The following EPHX2 variants were observed in gnomAD, a reference collection of about 807,000 sequenced individuals.
The protein encoded by EPHX2 is epoxide hydrolase 2, also known as bifunctional epoxide hydrolase 2.
In EPHX2, 74 loss-of-function variants were observed where a neutral mutation model predicts 78.7. That is an observed-to-expected ratio of 0.94 (90% CI 0.78 to 1.14). The LOEUF (loss-of-function observed/expected upper bound fraction) is 1.14. EPHX2 is among the 50% of genes most tolerant of loss of function. The probability of loss-of-function intolerance (pLI) is 0.00; values close to 1 mark genes in which losing one functional copy is unlikely to be tolerated. For synonymous variants in EPHX2, 251 were observed against 255.2 expected, an observed-to-expected ratio of 0.98 and a Z score of 0.16; for missense variants, 715 against 702.5, an observed-to-expected ratio of 1.02 and a Z score of -0.20.
chr8:27,499,869 C>T (rs1813701748), intron 1 of EPHX2, among the ~76,000 whole-genome samples: 1 of 152,142 alleles, frequency 6.6e-6, no homozygotes, highest in African/African-American at 2.4e-5. Context: ...ATGGTTGACT[C>T]TCTGTGTGTG....
chr8:27,531,874 A>C (rs1815055682), intron 12 of EPHX2, among the ~76,000 whole-genome samples: 1 of 152,148 alleles, frequency 6.6e-6, no homozygotes, highest in Non-Finnish European at 1.5e-5. Context: ...TGAGCACAGG[A>C]GGCAATCCTG....
intron 2 of EPHX2, among the ~76,000 whole-genome samples, chr8:27,502,384 C>T (rs1813833111): frequency 6.6e-6 from 1 of 152,180 alleles, no homozygotes; most frequent in Admixed American, 6.5e-5. Context: ...ACAAATAGTG[C>T]TGCTATGATG....
chr8:27,547,238 T>C (rs920366830), downstream of EPHX2, among the ~76,000 whole-genome samples: 7 of 152,112 alleles, frequency 4.6e-5, no homozygotes, highest in South Asian at 8.3e-4. Context: ...TTCAAGAAGA[T>C]AGTGGAATGT....
intron 12 of EPHX2, among the ~76,000 whole-genome samples, chr8:27,535,988 T>G (rs1815198456): frequency 6.6e-6 from 1 of 152,190 alleles, no homozygotes; most frequent in Non-Finnish European, 1.5e-5. Context: ...GTGGAGCTGA[T>G]GAAGCAAGTT....
downstream of EPHX2, among the ~76,000 whole-genome samples, chr8:27,545,957 G>A (rs1053502701): frequency 6.6e-6 from 1 of 152,010 alleles, no homozygotes; most frequent in Non-Finnish European, 1.5e-5. Context: ...CCATTTAACC[G>A]AGAGGGAAAC....
At position 27,524,772 on chromosome 8, in the gene EPHX2, C is replaced by T. The variant is rs1340043542; in HGVS notation, c.1059-590C>T. Among the ~76,000 whole-genome samples the T allele has an allele frequency of 2.0e-5, 3 of 152,182 alleles. No homozygotes were observed. In the East Asian group the frequency reaches 5.8e-4, roughly 29 times the overall value. On this transcript the variant is annotated intron_variant, in intron 11 of 18. Coordinates refer to ENST00000521400, the MANE Select transcript of EPHX2 (RefSeq NM_001979.6). ...GCCCAGTTCAGGAATTCCTTATCTC[C>T]TTCCAACTCCTATGCTATTTTGTGC... is the stretch of plus-strand genomic sequence containing the variant.
rs1319203319 is a variant in EPHX2, at chr8:27,544,929, G to C, written c.*407G>C. 1 of 204,474 alleles carries C rather than the reference G, an allele frequency of 4.9e-6. No individual in the cohort carries two copies. Among genetic ancestry groups the C allele is most frequent in the Non-Finnish European group, 1.0e-5 (1 of 100,238 alleles). 12.7% of individuals were successfully genotyped at this position (204,474 alleles called of 1,614,324 possible). A position where few individuals can be genotyped will look rare whatever the true frequency, so the allele number is the denominator to read the frequency against. ...AGCTAAGATGACTATGCTGCTGGCTGTCTTTGTTCTTGGAGAGGTGGAGTG... is the reference window on the plus strand; with the variant it reads ...AGCTAAGATGACTATGCTGCTGGCTCTCTTTGTTCTTGGAGAGGTGGAGTG... On this transcript the variant is annotated 3_prime_UTR_variant, in exon 19 of 19. Transcript: ENST00000521400.
chr8:27,540,752 A>G, intron 15 of EPHX2, 96 bp downstream of exon 15: 1 of 1,179,778 alleles, frequency 8.5e-7, no homozygotes, highest in South Asian at 1.3e-5. Context: ...GTTCTCCTCC[A>G]CCACAGCCCT....
At chr8:27,504,685 G>C (rs1368889358) in intron 3 of EPHX2, among the ~76,000 whole-genome samples, 3 of 152,184 alleles carry the variant, frequency 2.0e-5, no homozygotes, top group South Asian at 4.1e-4. Flanking sequence ...TATAAGTGCT[G>C]CTCCACTGTT....
At chr8:27,527,239 G>C (rs1204003496) in intron 12 of EPHX2, among the ~76,000 whole-genome samples, 2 of 152,082 alleles carry the variant, frequency 1.3e-5, no homozygotes, top group Admixed American at 1.3e-4. Context: ...TTACAGGTGT[G>C]AATATATAGA....
intron 1 of EPHX2, among the ~76,000 whole-genome samples, chr8:27,493,589 G>A (rs1813465925): frequency 6.6e-6 from 1 of 152,166 alleles, no homozygotes; most frequent in Admixed American, 6.5e-5. Flanking sequence ...GGTATTAGTT[G>A]TATGGTCCTG....
intron 8 of EPHX2, 78 bp from the exon 9 acceptor site, chr8:27,517,960 T>C: frequency 8.3e-7 from 1 of 1,205,506 alleles, no homozygotes; most frequent in Non-Finnish European, 1.2e-6. Flanking sequence ...TGGTTTTCTT[T>C]GCAAAAAGGT....
intron 1 of EPHX2, among the ~76,000 whole-genome samples, chr8:27,494,876 CTA>C (rs766480034): frequency 1.8e-4 from 27 of 152,358 alleles, no homozygotes; most frequent in Non-Finnish European, 1.0e-4. Flanking sequence ...GGGGAGAAAA[CTA>C]TGCCCCCATG....
At chr8:27,538,064 A>C (rs753374080) in intron 13 of EPHX2, among the ~76,000 whole-genome samples, 1 of 152,160 alleles carries the variant, frequency 6.6e-6, no homozygotes, top group Non-Finnish European at 1.5e-5. Flanking sequence ...TCACACCTTG[A>C]GAGTTTCCAG....
chr8:27,518,034 G>A lies in EPHX2; in HGVS notation c.911-4G>A. 6.3e-7 allele frequency: 1 copy of A among 1,586,246 alleles called. No individual in the cohort carries two copies. The highest frequency in any genetic ancestry group is 1.7e-4 in the Middle Eastern group (1 of 6,020). On this transcript the variant is annotated splice_region_variant and splice_polypyrimidine_tract_variant and intron_variant, in intron 8 of 18. Transcript: ENST00000521400. ...AAATATGTTTCTTTTATTTTTAATT[G>A]CAGAAATAGAAGAATATTGCATGGA... is the stretch of plus-strand genomic sequence containing the variant.
chr8:27,505,294 A>G, intron 4 of EPHX2, 148 bp downstream of exon 4: 2 of 767,070 alleles, frequency 2.6e-6, no homozygotes, highest in Middle Eastern at 2.9e-4. Flanking sequence ...CTCCTAGAAG[A>G]CTGTTACCCA....
At chr8:27,524,534 G>A (rs2132763528) in intron 11 of EPHX2, among the ~76,000 whole-genome samples, 1 of 152,306 alleles carries the variant, frequency 6.6e-6, no homozygotes, top group Middle Eastern at 3.4e-3. Flanking sequence ...CTGCCTTTCT[G>A]TTGTTATTTC....
intron 14 of EPHX2, among the ~76,000 whole-genome samples, chr8:27,540,277 G>T (rs1027154121): frequency 2.0e-5 from 3 of 152,178 alleles, no homozygotes; most frequent in African/African-American, 7.2e-5. Flanking sequence ...GCCTGAAAAA[G>T]CCGGCAACTG....
intron 6 of EPHX2, among the ~76,000 whole-genome samples, chr8:27,513,263 C>T (rs1327018408): frequency 1.3e-5 from 2 of 152,194 alleles, no homozygotes; most frequent in African/African-American, 2.4e-5. Flanking sequence ...TGCTCAGCGC[C>T]ACTGACATCC....
Sources: allele counts gnomAD v4.1 joint callset (sites outside exome capture counted in the v4.1 genomes callset), GRCh38; gene constraint gnomAD v4.1.1; transcripts MANE v1.5; gene names NCBI Gene and HGNC (gene_info 2026-07-23, HGNC 2026-07-21).